Variants in RAB12 observed in about 807,000 individuals in gnomAD.
The protein encoded by RAB12 is ras-related protein Rab-12.
Under a neutral mutation model 28.4 loss-of-function variants are expected in RAB12, and 11 were observed. The observed-to-expected ratio is 0.39, with a 90% CI of 0.24 to 0.64. RAB12 has a LOEUF of 0.64. Ranked by LOEUF, RAB12 falls within the 30% of genes least tolerant of loss-of-function variation. The pLI is 0.50. For synonymous variants in RAB12, 138 were observed against 145.3 expected (o/e 0.95, Z 0.36); for missense variants, 276 against 351.1 (o/e 0.79, Z 1.71).
chr18:8,611,136 A>G (rs1170978821), intron 1 of RAB12, among the ~76,000 whole-genome samples: 1 of 152,154 alleles, frequency 6.6e-6, no homozygotes, highest in Non-Finnish European at 1.5e-5. Flanking sequence ...TGATGTCTGT[A>G]CCATATGTTT....
chr18:8,628,110 C>T (rs1226760270), intron 2 of RAB12, among the ~76,000 whole-genome samples: 1 of 152,058 alleles, frequency 6.6e-6, no homozygotes, highest in East Asian at 1.9e-4. Flanking sequence ...TAGAAATCCG[C>T]ACCTTATCAT....
intron 2 of RAB12, among the ~76,000 whole-genome samples, chr18:8,630,527 A>G (rs1186916489): frequency 2.6e-5 from 4 of 152,044 alleles, no homozygotes; most frequent in Non-Finnish European, 5.9e-5. Context: ...GGAATGTCTG[A>G]CCCCCACTGC....
chr18:8,610,212 G>A (rs938603201), intron 1 of RAB12: 2 of 381,372 alleles, frequency 5.2e-6, no homozygotes, highest in Non-Finnish European at 9.5e-6. Flanking sequence ...GGGGCCTGTG[G>A]GGGCGGCTCT....
intron 1 of RAB12, among the ~76,000 whole-genome samples, chr18:8,619,676 G>A (rs2096008654): frequency 6.6e-6 from 1 of 152,124 alleles, no homozygotes; most frequent in South Asian, 2.1e-4. Context: ...CTGTCATGTG[G>A]TATGACTGTA....
rs1567898821 is a variant in RAB12 at position 8,639,140 on chromosome 18, CTG to C, written c.*882_*883del. 1 of 48,664 alleles carries C rather than the reference CTG, an allele frequency of 2.1e-5. No individual in the cohort carries two copies. Among genetic ancestry groups the C allele is most frequent in the African/African-American group, 6.9e-5 (1 of 14,490 alleles). 3.0% of individuals were successfully genotyped at this position (48,664 alleles called of 1,614,324 possible). A position where few individuals can be genotyped will look rare whatever the true frequency, so the allele number is the denominator to read the frequency against. ...GAAGCTTATTCTGATTAAGCCTAGA[CTG>C]TGTTCTTTTTTTTTTTTTTTTTTTT... On this transcript the variant is annotated 3_prime_UTR_variant, in exon 6 of 6. Coordinates refer to ENST00000649141, the MANE Select transcript of RAB12 (RefSeq NM_001025300.3).
chr18:8,635,693 ATTAC>A, intron 4 of RAB12, 71 bp downstream of exon 4: 1 of 911,754 alleles, frequency 1.1e-6, no homozygotes, highest in South Asian at 1.9e-5. Flanking sequence ...CTTTTAATAA[ATTAC>A]TTATTTTAAA....
intron 2 of RAB12, 111 bp from the exon 3 acceptor site, chr18:8,633,078 T>C (rs1842969071): frequency 7.3e-7 from 1 of 1,360,572 alleles, no homozygotes; most frequent in South Asian, 1.2e-5. Flanking sequence ...GGGGTTACTC[T>C]CGTTCTTTTT....
chr18:8,615,918 T>C (rs1447912431), intron 1 of RAB12, among the ~76,000 whole-genome samples: 1 of 152,220 alleles, frequency 6.6e-6, no homozygotes, highest in Non-Finnish European at 1.5e-5. Context: ...TTCCCTCTGG[T>C]CTGTGGAATC....
intron 1 of RAB12, among the ~76,000 whole-genome samples, chr18:8,613,345 C>T (rs990149595): frequency 3.9e-5 from 6 of 152,226 alleles, no homozygotes; most frequent in African/African-American, 1.2e-4. Context: ...TTACAACTAA[C>T]ATGCCTGGTC....
intron 2 of RAB12, among the ~76,000 whole-genome samples, chr18:8,625,410 C>A (rs1434016724): frequency 1.3e-5 from 2 of 152,168 alleles, no homozygotes; most frequent in Admixed American, 6.5e-5. Flanking sequence ...GGCAGGTCCC[C>A]TGCAGACAGT....
At chr18:8,611,492 GGAA>G (rs1352623316) in intron 1 of RAB12, among the ~76,000 whole-genome samples, 1 of 152,050 alleles carries the variant, frequency 6.6e-6, no homozygotes, top group African/African-American at 2.4e-5. Context: ...AGAGGAGAGA[GGAA>G]GAAGGATTTT....
intron 2 of RAB12, among the ~76,000 whole-genome samples, chr18:8,630,388 AG>A (rs938157937): frequency 6.6e-6 from 1 of 152,234 alleles, no homozygotes; most frequent in Admixed American, 6.5e-5. Context: ...GGTTACTATA[AG>A]GGGTTGTGGA....
Position 8,639,092 on chromosome 18 carries a change from A to G in RAB12, c.*830A>G, listed in dbSNP as rs1427176521. On this transcript the variant is annotated 3_prime_UTR_variant, in exon 6 of 6. Coordinates refer to ENST00000649141, the MANE Select transcript of RAB12 (RefSeq NM_001025300.3). Reference sequence around the variant, plus strand: ...AAACACTCTGTACCTTTGTAATGATAAAACTTCCCCCTTCTTTACGGTGAA... The same window carrying G: ...AAACACTCTGTACCTTTGTAATGATGAAACTTCCCCCTTCTTTACGGTGAA... 1 of 142,606 alleles carries G rather than the reference A, an allele frequency of 7.0e-6. No homozygotes were observed. Among genetic ancestry groups the G allele is most frequent in the Non-Finnish European group, 1.5e-5 (1 of 66,386 alleles). The allele number at this position is 142,606 out of a possible 1,614,324, so 8.8% of individuals were successfully genotyped here.
chr18:8,611,826 A>C (rs140965053), intron 1 of RAB12, among the ~76,000 whole-genome samples: 213 of 152,230 alleles, frequency 1.4e-3, no homozygotes, highest in African/African-American at 4.9e-3. Context: ...CCCTACTCTG[A>C]GTGTGGTTGA....
chr18:8,613,848 A>G (rs1163026078), intron 1 of RAB12, among the ~76,000 whole-genome samples: 3 of 151,826 alleles, frequency 2.0e-5, no homozygotes, highest in African/African-American at 7.3e-5. Flanking sequence ...TAGTAGTAGT[A>G]GTAGTAGTAG....
intron 1 of RAB12, among the ~76,000 whole-genome samples, chr18:8,617,096 C>T (rs981339329): frequency 6.6e-6 from 1 of 152,154 alleles, no homozygotes; most frequent in Non-Finnish European, 1.5e-5. Flanking sequence ...AGTGTCTTCA[C>T]TTATAGGAAG....
chr18:8,618,511 CTT>C (rs745429552), intron 1 of RAB12, among the ~76,000 whole-genome samples: 2 of 145,570 alleles, frequency 1.4e-5, no homozygotes, highest in African/African-American at 2.5e-5. Flanking sequence ...CCCTTTTCCT[CTT>C]TTTTTTTTTT....
chr18:8,619,411 C>T (rs1196840844), intron 1 of RAB12, among the ~76,000 whole-genome samples: 1 of 152,212 alleles, frequency 6.6e-6, no homozygotes, highest in African/African-American at 2.4e-5. Context: ...GCAAATGTTT[C>T]GCTTTAAGGG....
chr18:8,623,091 A>G (rs4798661), intron 1 of RAB12, among the ~76,000 whole-genome samples: 52,316 of 152,040 alleles, frequency 0.34, 10,312 homozygotes, highest in East Asian at 0.62. Context: ...CAATTATCAC[A>G]TGGTCCTGAG....
Sources: gnomAD v4.1 joint callset for allele counts (sites outside exome capture counted in the v4.1 genomes callset) on GRCh38, gnomAD v4.1.1 for gene constraint, MANE v1.5 for transcripts, NCBI Gene and HGNC (gene_info 2026-07-23, HGNC 2026-07-21) for gene names.